Variants in CSMD3 observed in about 807,000 individuals in gnomAD.
CSMD3 encodes CUB and Sushi multiple domains 3.
CSMD3 carries 177 observed loss-of-function variants against 435.2 expected under a neutral mutation model. The ratio of observed to expected loss-of-function variants is 0.41; its 90% CI spans 0.36 to 0.46. The LOEUF is 0.46. Among genes scored for constraint, CSMD3 ranks in the 20% least tolerant of loss-of-function variants. The probability of loss-of-function intolerance (pLI) is 0.34; values close to 1 mark genes in which losing one functional copy is unlikely to be tolerated. For synonymous variants in CSMD3, 1,656 were observed against 1,520.5 expected, an observed-to-expected ratio of 1.09 and a Z score of -2.07; for missense variants, 4,265 against 4,504.6, an observed-to-expected ratio of 0.95 and a Z score of 1.52.
rs531310352 is a variant in CSMD3 at position 112,264,362 on chromosome 8, A to T, written c.9689-550T>A. Among the ~76,000 whole-genome samples, 12 of 152,246 alleles carry T rather than the reference A, an allele frequency of 7.9e-5. No homozygotes were observed. In the South Asian group the frequency reaches 2.3e-3, roughly 29 times the overall value. On this transcript the variant is annotated intron_variant, in intron 60 of 70. Coordinates refer to ENST00000297405, the MANE Select transcript of CSMD3 (RefSeq NM_198123.2). ...TTATAAATGCATTTTTAATTTTTTT[A>T]AAAAATGTATTTTGTTTAAATTGTT...
intron 3 of CSMD3, among the ~76,000 whole-genome samples, chr8:113,247,647 T>C (rs185358435): frequency 1.7e-3 from 262 of 152,242 alleles, no homozygotes; most frequent in Non-Finnish European, 2.5e-3. Context: ...GTAAGTACCA[T>C]TTATTCATAA....
chr8:112,367,893 A>T (rs1454638905), intron 38 of CSMD3, among the ~76,000 whole-genome samples: 3 of 152,190 alleles, frequency 2.0e-5, no homozygotes, highest in African/African-American at 2.4e-5. Context: ...TCAGCTATAA[A>T]GGGTAGCATT....
At chr8:113,199,638 A>G (rs1311042280) in intron 3 of CSMD3, among the ~76,000 whole-genome samples, 1 of 151,644 alleles carries the variant, frequency 6.6e-6, no homozygotes, top group African/African-American at 2.4e-5. Flanking sequence ...TTCATGGAGG[A>G]TGGGAAAATA....
intron 3 of CSMD3, among the ~76,000 whole-genome samples, chr8:113,189,430 AG>A (rs1782733376): frequency 6.6e-6 from 1 of 151,858 alleles, no homozygotes; most frequent in Admixed American, 6.6e-5. Context: ...TAAAATTAAT[AG>A]GAATTTTGCA....
intron 1 of CSMD3, chr8:113,377,375 T>TG (rs2133087519): frequency 6.1e-6 from 1 of 163,754 alleles, no homozygotes; most frequent in East Asian, 1.8e-4. Context: ...CATGAAGTAT[T>TG]CCAGTTGTAA....
At chr8:112,627,320 A>G (rs1834563396) in intron 22 of CSMD3, among the ~76,000 whole-genome samples, 1 of 152,156 alleles carries the variant, frequency 6.6e-6, no homozygotes, top group Admixed American at 6.6e-5. Flanking sequence ...GTATTTCTGA[A>G]CTTGGGCAAA....
chr8:112,600,346 T>C (rs1028051398), intron 22 of CSMD3, among the ~76,000 whole-genome samples: 1 of 152,106 alleles, frequency 6.6e-6, no homozygotes, highest in Admixed American at 6.5e-5. Context: ...TTGCTTTGTT[T>C]TCATTATTTT....
intron 6 of CSMD3, among the ~76,000 whole-genome samples, chr8:113,015,044 C>T (rs1489988557): frequency 6.6e-6 from 1 of 152,048 alleles, no homozygotes; most frequent in Non-Finnish European, 1.5e-5. Flanking sequence ...GCTGCATCCC[C>T]CAAAATCTTA....
chr8:112,680,313 G>A (rs545396652), intron 16 of CSMD3, among the ~76,000 whole-genome samples: 1 of 152,118 alleles, frequency 6.6e-6, no homozygotes, highest in East Asian at 1.9e-4. Context: ...AGCAGAAATG[G>A]TGCCACTGCT....
At chr8:113,112,722 T>C (rs1277718069) in intron 4 of CSMD3, among the ~76,000 whole-genome samples, 3 of 152,054 alleles carry the variant, frequency 2.0e-5, no homozygotes, top group African/African-American at 7.2e-5. Context: ...ATCACAGTTC[T>C]CACTTCACTG....
chr8:112,625,451 G>C (rs1834400818), intron 22 of CSMD3, among the ~76,000 whole-genome samples: 1 of 152,002 alleles, frequency 6.6e-6, no homozygotes, highest in African/African-American at 2.4e-5. Flanking sequence ...ATTCAATTGA[G>C]ATTCAAGTTT....
At chr8:112,977,862 A>T (rs1402178154) in intron 6 of CSMD3, among the ~76,000 whole-genome samples, 1 of 152,042 alleles carries the variant, frequency 6.6e-6, no homozygotes, top group Non-Finnish European at 1.5e-5. Context: ...TCAGGTTGCA[A>T]TATTTAGTCA....
At chr8:112,321,271 C>A (rs1328779913) in intron 45 of CSMD3, among the ~76,000 whole-genome samples, 1 of 152,098 alleles carries the variant, frequency 6.6e-6, no homozygotes, top group Admixed American at 6.6e-5. Flanking sequence ...TACAAGAGCA[C>A]ACAATTAGTA....
At chr8:112,884,432 G>A (rs112949235) in intron 10 of CSMD3, among the ~76,000 whole-genome samples, 44 of 150,920 alleles carry the variant, frequency 2.9e-4, no homozygotes, top group Admixed American at 2.6e-3. Context: ...AGGGTTTTTC[G>A]GCCTCCACAC....
chr8:113,188,592 C>T (rs536831831), intron 3 of CSMD3, among the ~76,000 whole-genome samples: 2 of 151,912 alleles, frequency 1.3e-5, no homozygotes, highest in Non-Finnish European at 2.9e-5. Context: ...TAGAGTAATG[C>T]TCAACCTTTC....
chr8:112,905,991 A>G (rs1025794944), intron 10 of CSMD3, among the ~76,000 whole-genome samples: 4 of 151,464 alleles, frequency 2.6e-5, no homozygotes, highest in African/African-American at 7.3e-5. Context: ...TTAAAAGGCC[A>G]GAGAGCTAGC....
rs192144369 is a variant in CSMD3 at position 112,820,831 on chromosome 8, C to T, written c.1859+8855G>A. Among the ~76,000 whole-genome samples the T allele has an allele frequency of 1.5e-3, 233 of 152,172 alleles. 1 individual carries two copies. Among genetic ancestry groups the T allele is most frequent in the African/African-American group, 5.3e-3 (219 of 41,538 alleles). ...TTCCTCCACTCACCACCACCGCCAA[C>T]CAGTTCTGGTGTGTGTTGTTCTCCT... is the stretch of plus-strand genomic sequence containing the variant. On this transcript the variant is annotated intron_variant, in intron 12 of 70. Transcript: ENST00000297405.
In CSMD3 at chr8:112,989,219, G is replaced by C. The variant is rs181093593; in HGVS notation, c.1031-13071C>G. 4.2e-3 allele frequency among the ~76,000 whole-genome samples: 645 copies of C among 152,074 alleles called. 1 individual carries two copies. Among genetic ancestry groups the C allele is most frequent in the African/African-American group, 0.014 (566 of 41,516 alleles). On this transcript the variant is annotated intron_variant, in intron 6 of 70. Transcript: ENST00000297405. Reference sequence around the variant, plus strand: ...GAGCTAAAACCATAATAAAATGAAAGAGTTATTTAAGAAAAAGACCTGATA... The same window carrying C: ...GAGCTAAAACCATAATAAAATGAAACAGTTATTTAAGAAAAAGACCTGATA...
At chr8:112,405,377 T>A (rs1831756209) in intron 35 of CSMD3, among the ~76,000 whole-genome samples, 1 of 149,850 alleles carries the variant, frequency 6.7e-6, no homozygotes, top group Non-Finnish European at 1.5e-5. Flanking sequence ...GAATTTAATA[T>A]TATGTAATTT....
Sources: gnomAD v4.1 joint callset for allele counts (sites outside exome capture counted in the v4.1 genomes callset) on GRCh38, gnomAD v4.1.1 for gene constraint, MANE v1.5 for transcripts, NCBI Gene and HGNC (gene_info 2026-07-23, HGNC 2026-07-21) for gene names.